Variants in CSMD1 observed in about 807,000 individuals in gnomAD.
CSMD1 encodes CUB and Sushi multiple domains 1, also known as CUB and sushi domain-containing protein 1.
CSMD1 carries 213 observed loss-of-function variants against 417.5 expected under a neutral mutation model. That is an observed-to-expected ratio of 0.51 (90% confidence interval 0.46 to 0.57). CSMD1 has a LOEUF of 0.57. CSMD1 is among the 20% of genes least tolerant of loss of function. CSMD1 has a pLI of 0.00. For synonymous variants in CSMD1, 2,862 were observed against 1,736.8 expected, an observed-to-expected ratio of 1.65 and a Z score of -16.11; for missense variants, 6,923 against 4,529.7, an observed-to-expected ratio of 1.53 and a Z score of -15.17.
chr8:4,452,713 A>C (rs1471921709), intron 2 of CSMD1, among the ~76,000 whole-genome samples: 1 of 152,198 alleles, frequency 6.6e-6, no homozygotes, highest in African/African-American at 2.4e-5. Context: ...AATTACATTT[A>C]AATCAACACG....
At chr8:4,117,018 T>C (rs1802193571) in intron 3 of CSMD1, among the ~76,000 whole-genome samples, 1 of 150,600 alleles carries the variant, frequency 6.6e-6, no homozygotes, top group East Asian at 1.9e-4. Context: ...CGCTTAACCT[T>C]TTTTTTTCTT....
intron 23 of CSMD1, among the ~76,000 whole-genome samples, chr8:3,318,327 T>G (rs937615137): frequency 3.5e-4 from 54 of 152,270 alleles, no homozygotes; most frequent in African/African-American, 1.2e-3. Flanking sequence ...ATTGAGAACA[T>G]AAATCTGGAG....
At chr8:4,144,713 T>C (rs1804006191) in intron 3 of CSMD1, among the ~76,000 whole-genome samples, 1 of 151,022 alleles carries the variant, frequency 6.6e-6, no homozygotes, top group East Asian at 1.9e-4. Flanking sequence ...AGAGTGGAGA[T>C]TTCCTCATTG....
chr8:3,548,453 C>T (rs1284139582), intron 10 of CSMD1, among the ~76,000 whole-genome samples: 1 of 151,932 alleles, frequency 6.6e-6, no homozygotes, highest in African/African-American at 2.4e-5. Context: ...CACTTCCCAC[C>T]CTTTCTGCCT....
chr8:3,815,494 AAT>A (rs1359686130), intron 5 of CSMD1, among the ~76,000 whole-genome samples: 1 of 152,148 alleles, frequency 6.6e-6, no homozygotes, highest in African/African-American at 2.4e-5. Flanking sequence ...TAAACTCAAA[AAT>A]ATGTGTAAGA....
At chr8:4,527,825 T>G (rs1199162364) in intron 2 of CSMD1, among the ~76,000 whole-genome samples, 2 of 152,210 alleles carry the variant, frequency 1.3e-5, no homozygotes, top group South Asian at 2.1e-4. Flanking sequence ...TTAGAAAGAT[T>G]AAGTTTTCAG....
chr8:4,752,121 G>A (rs909134618), intron 1 of CSMD1, among the ~76,000 whole-genome samples: 4 of 151,870 alleles, frequency 2.6e-5, no homozygotes, highest in African/African-American at 7.3e-5. Context: ...TATATCACAT[G>A]TATATATCAT....
chr8:4,325,968 G>A (rs1478397194), intron 3 of CSMD1, among the ~76,000 whole-genome samples: 1 of 152,120 alleles, frequency 6.6e-6, no homozygotes, highest in Non-Finnish European at 1.5e-5. Flanking sequence ...GTCTACAGTA[G>A]CACAATTTCC....
chr8:2,975,624 C>A (rs1233363279), intron 55 of CSMD1, among the ~76,000 whole-genome samples: 1 of 152,100 alleles, frequency 6.6e-6, no homozygotes, highest in East Asian at 1.9e-4. Context: ...TTAAAAGAAG[C>A]CAGTGAGACC....
intron 11 of CSMD1, among the ~76,000 whole-genome samples, chr8:3,484,033 C>T (rs1817887531): frequency 6.6e-6 from 1 of 152,158 alleles, no homozygotes. Context: ...ATCACAATCC[C>T]AGCAATGTTT....
intron 5 of CSMD1, among the ~76,000 whole-genome samples, chr8:3,777,176 T>A (rs1299749916): frequency 6.6e-6 from 1 of 151,870 alleles, no homozygotes; most frequent in Admixed American, 6.6e-5. Flanking sequence ...TATATATGTA[T>A]GTGTGTCTGT....
At chr8:3,929,534 G>A (rs1254751710) in intron 5 of CSMD1, among the ~76,000 whole-genome samples, 1 of 150,478 alleles carries the variant, frequency 6.6e-6, no homozygotes, top group Non-Finnish European at 1.5e-5. Context: ...TCCATTGGCA[G>A]GAACTGGGTT....
chr8:3,947,925 G>T (rs1244802412), intron 5 of CSMD1, among the ~76,000 whole-genome samples: 1 of 152,138 alleles, frequency 6.6e-6, no homozygotes, highest in Admixed American at 6.5e-5. Flanking sequence ...CCAATGGTAG[G>T]CTGGGGGTGG....
intron 2 of CSMD1, among the ~76,000 whole-genome samples, chr8:4,497,250 T>G (rs1441503106): frequency 1.3e-5 from 2 of 152,198 alleles, no homozygotes; most frequent in Non-Finnish European, 2.9e-5. Context: ...TAAACTCATC[T>G]TCATCATGAT....
intron 10 of CSMD1, among the ~76,000 whole-genome samples, chr8:3,548,641 C>T (rs1442010690): frequency 6.9e-6 from 1 of 145,848 alleles, no homozygotes; most frequent in Non-Finnish European, 1.5e-5. Flanking sequence ...CTTTTCACGG[C>T]TGAGTGGTAT....
intron 2 of CSMD1, among the ~76,000 whole-genome samples, chr8:4,619,936 C>T (rs1035687781): frequency 8.6e-5 from 13 of 151,838 alleles, no homozygotes; most frequent in African/African-American, 2.9e-4. Context: ...ATTAATAATA[C>T]ATTTATATTT....
intron 24 of CSMD1, among the ~76,000 whole-genome samples, 172 bp downstream of exon 24, chr8:3,308,140 A>G (rs1449069079): frequency 6.6e-6 from 1 of 152,034 alleles, no homozygotes; most frequent in Non-Finnish European, 1.5e-5. Context: ...ACTGTCTTTC[A>G]TAGCTGAAAA....
intron 1 of CSMD1, among the ~76,000 whole-genome samples, chr8:4,921,140 G>C (rs7464173): frequency 0.33 from 50,647 of 151,496 alleles, 9,959 homozygotes; most frequent in Non-Finnish European, 0.45. Flanking sequence ...GTAAAAGAAA[G>C]AAAGAAATTA....
chr8:4,159,878 G>A lies in CSMD1; in HGVS notation c.416-127779C>T, dbSNP rs551010030. On this transcript the variant is annotated intron_variant, in intron 3 of 69. Transcript: ENST00000635120. ...ACCGTATGTTCTCACCCATAAGTGC[G>A]AGCTAGCCTATGAGGATGCAAAGGC... is the stretch of plus-strand genomic sequence containing the variant. Among the ~76,000 whole-genome samples the A allele has an allele frequency of 3.9e-5, 6 of 152,190 alleles. No individual in the cohort carries two copies. The South Asian group carries it at 1.0e-3, about 26-fold the overall frequency.
Sources: gnomAD v4.1 joint callset for allele counts (sites outside exome capture counted in the v4.1 genomes callset) on GRCh38, gnomAD v4.1.1 for gene constraint, MANE v1.5 for transcripts, NCBI Gene and HGNC (gene_info 2026-07-23, HGNC 2026-07-21) for gene names.